Variants in MACROD2 observed in about 807,000 individuals in gnomAD.
MACROD2 encodes mono-ADP ribosylhydrolase 2, also known as ADP-ribose glycohydrolase MACROD2.
MACROD2 carries 36 observed loss-of-function variants against 70.4 expected under a neutral mutation model. That is an observed-to-expected ratio of 0.51 (90% CI 0.39 to 0.68). MACROD2 has a LOEUF of 0.68. MACROD2 is among the 30% of genes least tolerant of loss of function. The pLI is 0.00. For missense variants in MACROD2, 496 were observed against 538.4 expected, an observed-to-expected ratio of 0.92 and a Z score of 0.78; for synonymous variants, 172 against 178.8, an observed-to-expected ratio of 0.96 and a Z score of 0.30.
At position 14,749,949 on chromosome 20, in the gene MACROD2, G is replaced by A. The variant is rs546903444; in HGVS notation, c.418+64990G>A. Among the ~76,000 whole-genome samples the A allele has an allele frequency of 5.9e-5, 9 of 152,184 alleles. No individual in the cohort carries two copies. The South Asian group carries it at 1.2e-3, about 21-fold the overall frequency. ...GGAGAAAAGAAGAGTTGTTTAATGTGTACATAGTTTCAGATCTGTGGGAGG... is the reference window on the plus strand; with the variant it reads ...GGAGAAAAGAAGAGTTGTTTAATGTATACATAGTTTCAGATCTGTGGGAGG... On this transcript the variant is annotated intron_variant, in intron 5 of 17. Transcript: ENST00000684519.
At chr20:14,470,817 T>G (rs1468886964) in intron 3 of MACROD2, among the ~76,000 whole-genome samples, 1 of 152,200 alleles carries the variant, frequency 6.6e-6, no homozygotes, top group Admixed American at 6.5e-5. Context: ...ACTGCTGTGC[T>G]GGCAGCAAGA....
At chr20:15,007,074 C>G (rs1238445642) in intron 5 of MACROD2, among the ~76,000 whole-genome samples, 2 of 151,416 alleles carry the variant, frequency 1.3e-5, no homozygotes, top group Admixed American at 6.6e-5. Context: ...ACCATAAAAA[C>G]CCAGGAGAGG....
At chr20:14,127,387 C>A in intron 3 of MACROD2, 1 of 408,754 alleles carries the variant, frequency 2.4e-6, no homozygotes, top group East Asian at 4.1e-5. Context: ...GCCTCAGAAC[C>A]CCTTTCCACT....
At chr20:15,229,846 A>G (rs2076944211) in intron 5 of MACROD2, 94 bp from the exon 6 acceptor site, 1 of 1,300,186 alleles carries the variant, frequency 7.7e-7, no homozygotes, top group Admixed American at 3.1e-5. Context: ...TCCAGGCTCT[A>G]ACACAAATAC....
intron 5 of MACROD2, among the ~76,000 whole-genome samples, chr20:14,780,708 A>G (rs898150533): frequency 5.3e-5 from 8 of 152,246 alleles, no homozygotes; most frequent in African/African-American, 1.9e-4. Flanking sequence ...TTTAATTACT[A>G]GTGAATTGAT....
intron 6 of MACROD2, among the ~76,000 whole-genome samples, chr20:15,345,142 T>A (rs1243699304): frequency 6.6e-6 from 1 of 152,200 alleles, no homozygotes; most frequent in Non-Finnish European, 1.5e-5. Flanking sequence ...CCTTGTCTAA[T>A]CTTGATTACC....
At position 15,080,044 on chromosome 20, in the gene MACROD2, T is replaced by G. The variant is rs774233323; in HGVS notation, c.419-149896T>G. Among the ~76,000 whole-genome samples the G allele has an allele frequency of 1.9e-4, 28 of 150,190 alleles. 1 individual carries two copies. Among genetic ancestry groups the G allele is most frequent in the Non-Finnish European group, 4.5e-5 (3 of 67,018 alleles). On this transcript the variant is annotated intron_variant, in intron 5 of 17. Coordinates refer to ENST00000684519, the MANE Select transcript of MACROD2 (RefSeq NM_001351661.2). Reference sequence around the variant, plus strand: ...TCCCTGGCCCTCACTCACTTGATGTTTGCTTCTGCCTTAGCCATATTTTTT... The same window carrying G: ...TCCCTGGCCCTCACTCACTTGATGTGTGCTTCTGCCTTAGCCATATTTTTT...
intron 8 of MACROD2, among the ~76,000 whole-genome samples, chr20:15,598,315 A>G (rs1049851423): frequency 1.6e-4 from 24 of 152,236 alleles, no homozygotes; most frequent in African/African-American, 5.8e-4. Context: ...CAGTAAAGTC[A>G]TGGACTGCTC....
At position 15,010,695 on chromosome 20, in the gene MACROD2, C is replaced by A. The variant is rs569675708; in HGVS notation, c.419-219245C>A. On this transcript the variant is annotated intron_variant, in intron 5 of 17. Coordinates refer to ENST00000684519, the MANE Select transcript of MACROD2 (RefSeq NM_001351661.2). The stretch of plus-strand genomic sequence containing the variant: ...TACCCACCGTTTTTTATATTTGTAG[C>A]TCAGCAACACAAAGACAACAAAAAT... Among the ~76,000 whole-genome samples, 16 of 152,234 alleles carry A rather than the reference C, an allele frequency of 1.1e-4. No individual in the cohort carries two copies. The East Asian group carries it at 3.1e-3, about 29-fold the overall frequency.
intron 3 of MACROD2, among the ~76,000 whole-genome samples, chr20:14,429,011 G>T (rs2083965536): frequency 6.6e-6 from 1 of 152,156 alleles, no homozygotes; most frequent in Non-Finnish European, 1.5e-5. Context: ...GACTGATACA[G>T]TGAGGGGTTA....
chr20:14,189,574 G>A (rs2081369107), intron 3 of MACROD2, among the ~76,000 whole-genome samples: 1 of 152,136 alleles, frequency 6.6e-6, no homozygotes, highest in African/African-American at 2.4e-5. Context: ...TACAAAATCT[G>A]TACTAGAGGA....
intron 7 of MACROD2, among the ~76,000 whole-genome samples, chr20:15,479,947 T>A (rs535862096): frequency 6.6e-6 from 1 of 152,366 alleles, no homozygotes; most frequent in African/African-American, 2.4e-5. Flanking sequence ...AAGGGTCATT[T>A]TGTGGCTAAA....
chr20:15,196,911 AT>A, intron 5 of MACROD2: 1 of 985,376 alleles, frequency 1.0e-6, no homozygotes, highest in Non-Finnish European at 1.2e-6. Flanking sequence ...CACTTGCCAC[AT>A]TTTGGAAAGA....
chr20:15,928,852 A>T (rs1343557777), intron 10 of MACROD2, among the ~76,000 whole-genome samples: 3 of 152,224 alleles, frequency 2.0e-5, no homozygotes, highest in African/African-American at 7.2e-5. Flanking sequence ...TACTTTTCAA[A>T]TATGTACCTT....
chr20:14,564,410 A>C (rs1394808933), intron 4 of MACROD2, among the ~76,000 whole-genome samples: 1 of 152,024 alleles, frequency 6.6e-6, no homozygotes, highest in Non-Finnish European at 1.5e-5. Context: ...GTAAAAAGAC[A>C]ACATATAGAA....
intron 8 of MACROD2, among the ~76,000 whole-genome samples, chr20:15,775,007 G>C (rs2051697289): frequency 6.6e-6 from 1 of 152,048 alleles, no homozygotes; most frequent in African/African-American, 2.4e-5. Flanking sequence ...TCTCATAAAG[G>C]GTTGCAGCTT....
intron 4 of MACROD2, among the ~76,000 whole-genome samples, chr20:14,595,727 A>G (rs367781851): frequency 1.3e-5 from 2 of 152,134 alleles, no homozygotes; most frequent in East Asian, 1.9e-4. Context: ...TTCTTACTAC[A>G]CATTGTCGAA....
chr20:14,950,245 A>G (rs144628647), intron 5 of MACROD2, among the ~76,000 whole-genome samples: 2,930 of 152,202 alleles, frequency 0.019, 51 homozygotes, highest in Non-Finnish European at 0.03. Flanking sequence ...AGAATGGTTC[A>G]TCCTGGGGTT....
At chr20:15,382,333 G>A (rs2045655944) in intron 6 of MACROD2, among the ~76,000 whole-genome samples, 1 of 152,074 alleles carries the variant, frequency 6.6e-6, no homozygotes, top group African/African-American at 2.4e-5. Context: ...AGCAGAGGAA[G>A]ACCCAGCTCC....
Sources: gnomAD v4.1 joint callset for allele counts (sites outside exome capture counted in the v4.1 genomes callset) on GRCh38, gnomAD v4.1.1 for gene constraint, MANE v1.5 for transcripts, NCBI Gene and HGNC (gene_info 2026-07-23, HGNC 2026-07-21) for gene names.